Variants in DBN1 observed in about 807,000 individuals in gnomAD.
DBN1 encodes drebrin 1.
In DBN1, 21 loss-of-function variants were observed where a neutral mutation model predicts 83.5. The ratio of observed to expected loss-of-function variants is 0.25; its 90% CI spans 0.18 to 0.36. The LOEUF is 0.36. Among genes scored for constraint, DBN1 ranks in the 10% least tolerant of loss-of-function variants. DBN1 has a pLI of 1.00. For synonymous variants in DBN1, 381 were observed against 384.9 expected (o/e 0.99, Z 0.12); for missense variants, 874 against 935.7 (o/e 0.93, Z 0.86).
intron 11 of DBN1, 104 bp downstream of exon 11, chr5:177,459,499 A>G (rs1756844795): frequency 1.5e-5 from 20 of 1,371,400 alleles, no homozygotes; most frequent in Non-Finnish European, 1.9e-5. Context: ...CCCTGGGGGC[A>G]AACACCAGAG....
At chr5:177,457,978 A>AAGCATGAGGAATGC in intron 13 of DBN1, 80 bp downstream of exon 13, 1 of 1,574,216 alleles carries the variant, frequency 6.4e-7, no homozygotes, top group Non-Finnish European at 8.7e-7. Flanking sequence ...GTACTGGTGC[A>AAGCATGAGGAATGC]AGCATGAGGA....
intron 1 of DBN1, 78 bp from the exon 2 acceptor site, chr5:177,468,977 G>T: frequency 2.2e-6 from 2 of 899,396 alleles, no homozygotes; most frequent in Non-Finnish European, 3.1e-6. Context: ...TCTGGGGAGG[G>T]AGAGGGACAT....
intron 1 of DBN1, among the ~76,000 whole-genome samples, chr5:177,469,324 G>C (rs1757686915): frequency 6.6e-6 from 1 of 152,062 alleles, no homozygotes; most frequent in African/African-American, 2.4e-5. Flanking sequence ...CCCTCCCCCG[G>C]GGAGGGAGGA....
In DBN1 at chr5:177,473,313, G is replaced by A. The variant is rs1423236942; in HGVS notation, c.86+123C>T. The A allele has an allele frequency of 2.6e-5, 13 of 503,886 alleles. No individual in the cohort carries two copies. The East Asian group carries it at 4.5e-4, about 17-fold the overall frequency. 31.2% of individuals were successfully genotyped at this position (503,886 alleles called of 1,614,324 possible). On this transcript the variant is annotated intron_variant, in intron 1 of 14. Coordinates refer to ENST00000393565, the MANE Select transcript of DBN1 (RefSeq NM_001363541.2). The stretch of plus-strand genomic sequence containing the variant: ...AAGGCAGCCCCTCCCGGCCCTCCCG[G>A]CCCGCTGCACCATTTCGGGGTCCCC...
chr5:177,465,770 G>A (rs972785842), intron 8 of DBN1, among the ~76,000 whole-genome samples: 33 of 150,838 alleles, frequency 2.2e-4, no homozygotes, highest in East Asian at 7.8e-4. Flanking sequence ...CGGGAGAATC[G>A]CTTGAACCTG....
chr5:177,469,296 T>G (rs768293012), intron 1 of DBN1, among the ~76,000 whole-genome samples: 2 of 151,962 alleles, frequency 1.3e-5, no homozygotes, highest in African/African-American at 2.4e-5. Flanking sequence ...ACCTGGCACG[T>G]GCCTTGGTCC....
chr5:177,472,387 G>A (rs1757913662), intron 1 of DBN1: 9 of 1,459,298 alleles, frequency 6.2e-6, no homozygotes, highest in Non-Finnish European at 7.2e-6. Flanking sequence ...GGAACCAGAT[G>A]GGCACCTTCC....
At position 177,458,388 on chromosome 5, in the gene DBN1, G is replaced by C. The variant is rs370979617; in HGVS notation, c.1584C>G (p.Asn528Lys). 1.2e-4 allele frequency: 189 copies of C among 1,614,026 alleles called. 1 individual carries two copies. In the South Asian group the frequency reaches 2.0e-3, roughly 17 times the overall value. ...ATSLIDLWPG[N>K]GEGASTLQGE... ...CCTGGAGTGTGGAGGCCCCTTCCCC[G>C]TTGCCAGGCCATAGGTCAATGAGGC... The change falls in exon 13 of 15, where the codon AAC (asparagine) becomes AAG (lysine). Residue 528 changes from asparagine to lysine, a missense_variant. Around this residue, in one of 4 missense-constraint regions of DBN1, gnomAD observed 725 missense variants for 719.7 expected, o/e 1.01. Transcript: ENST00000393565.
At chr5:177,472,251 C>T (rs1311725571) in intron 1 of DBN1, 1 of 1,612,162 alleles carries the variant, frequency 6.2e-7, no homozygotes, top group Non-Finnish European at 8.5e-7. Flanking sequence ...AGAGTCCCCA[C>T]CTGGCTGCCC....
intron 2 of DBN1, 77 bp from the exon 3 acceptor site, chr5:177,468,297 G>C (rs1247906560): frequency 7.6e-7 from 1 of 1,322,616 alleles, no homozygotes; most frequent in Non-Finnish European, 1.1e-6. Flanking sequence ...TCAAAGCAAA[G>C]ACTCCTCCAG....
Position 177,458,581 on chromosome 5 carries a change from G to A in DBN1, c.1391C>T (p.Ala464Val). Reference protein sequence around the residue: ...QAPPRGPGSPAEDLMFMESAE... With the variant: ...QAPPRGPGSPVEDLMFMESAE... ...AGACTCCATGAACATCAAGTCCTCT[G>A]CAGGGCTGCCTGGCCCCCGGGGAGG... Residue 464 changes from alanine (A) to valine (V), a missense_variant, in exon 13 of 15, where the codon GCA (alanine) becomes GTA (valine). By Grantham distance (64) the Ala-to-Val change is moderately conservative. Coordinates refer to ENST00000393565, the MANE Select transcript of DBN1 (RefSeq NM_001363541.2). 6.2e-7 allele frequency: 1 copy of A among 1,613,906 alleles called. No individual in the cohort carries two copies.
intron 13 of DBN1, 28 bp downstream of exon 13, chr5:177,458,030 C>T: frequency 1.2e-6 from 2 of 1,607,106 alleles, no homozygotes; most frequent in South Asian, 1.1e-5. Context: ...TCCCTCCCAT[C>T]CCTCCCACCA....
At chr5:177,468,397 G>A (rs1235379574) in intron 2 of DBN1, among the ~76,000 whole-genome samples, 177 bp from the exon 3 acceptor site, 1 of 152,186 alleles carries the variant, frequency 6.6e-6, no homozygotes, top group African/African-American at 2.4e-5. Flanking sequence ...GTGGCGCACA[G>A]GGATGTAGCT....
intron 8 of DBN1, among the ~76,000 whole-genome samples, chr5:177,465,567 T>C (rs571165564): frequency 1.3e-5 from 2 of 152,254 alleles, no homozygotes; most frequent in East Asian, 3.9e-4. Flanking sequence ...CACAGTTACA[T>C]ACATGTGGCC....
Position 177,460,673 on chromosome 5 carries a change from G to A in DBN1, c.802C>T (p.His268Tyr). The change falls in exon 9 of 15, where the codon CAC becomes TAC. Residue 268 changes from histidine (H) to tyrosine (Y), a missense_variant. His to Tyr is a moderately conservative substitution (Grantham distance 83). Coordinates refer to ENST00000393565, the MANE Select transcript of DBN1 (RefSeq NM_001363541.2). ...ACCTCCGACTCTGACTTCTTCATGT[G>A]GGTCTCTTCCTCCTCATCCCGATGG... ...GDHRDEEEET[H>Y]MKKSESEVEE... is the part of the protein sequence containing the mutation. 6.2e-7 allele frequency: 1 copy of A among 1,614,148 alleles called. No individual in the cohort carries two copies. Among genetic ancestry groups the A allele is most frequent in the Non-Finnish European group, 8.5e-7 (1 of 1,180,028 alleles).
Position 177,467,372 on chromosome 5 carries a change from C to T in DBN1, c.478-40G>A. The T allele has an allele frequency of 6.2e-7, 1 of 1,613,800 alleles. No homozygotes were observed. Among genetic ancestry groups the T allele is most frequent in the Non-Finnish European group, 8.5e-7 (1 of 1,179,738 alleles). On this transcript the variant is annotated intron_variant, in intron 5 of 14. Transcript: ENST00000393565. The surrounding 1 kb of genome is among the most constrained non-coding windows in gnomAD (Gnocchi z 9.1). ...GACCCAGCATAAGCAGGCTGAATGC[C>T]CCAGGAACCCCCGACACCTAAAGGG...
In DBN1 at chr5:177,466,794, C is replaced by T. The variant is rs765595637; in HGVS notation, c.749G>A (p.Arg250Gln). The change falls in exon 8 of 15, where the codon CGG becomes CAG. Residue 250 changes from arginine (R) to glutamine (Q), a missense_variant. Transcript: ENST00000393565. The surrounding 1 kb of genome is among the most constrained non-coding windows in gnomAD (Gnocchi z 4.8). Reference sequence around the variant, plus strand: ...TACAAAGATAGACTGCTCCTTCAACCGCCTCTTGGCCTCTTCCGCTTCTAA... The same window carrying T: ...TACAAAGATAGACTGCTCCTTCAACTGCCTCTTGGCCTCTTCCGCTTCTAA... ...QTLEAEEAKR[R>Q]LKEQSIFGDH... 59 of 1,614,054 alleles carry T rather than the reference C, an allele frequency of 3.7e-5. No individual in the cohort carries two copies. The highest frequency in any genetic ancestry group is 4.5e-5 in the East Asian group (2 of 44,890).
intron 13 of DBN1, 111 bp from the exon 14 acceptor site, chr5:177,457,868 G>T: frequency 1.0e-6 from 1 of 1,000,084 alleles, no homozygotes; most frequent in Non-Finnish European, 1.5e-6. Context: ...TGGTTGCCAG[G>T]GAAACAAGGA....
chr5:177,464,956 C>A (rs1344905943), intron 8 of DBN1, among the ~76,000 whole-genome samples: 4 of 152,042 alleles, frequency 2.6e-5, no homozygotes, highest in African/African-American at 7.3e-5. Context: ...AGATCGAGAC[C>A]ACCCTGGCTA....
Sources: gnomAD v4.1 joint callset for allele counts (sites outside exome capture counted in the v4.1 genomes callset) on GRCh38, gnomAD v4.1.1 for gene constraint, gnomAD v4.1.1 regional missense constraint, Gnocchi (gnomAD v3.1) non-coding constraint, MANE v1.5 for transcripts, NCBI Gene and HGNC (gene_info 2026-07-23, HGNC 2026-07-21) for gene names.